The following MTHFD1L variants were observed in gnomAD, a reference collection of about 807,000 sequenced individuals.
The protein encoded by MTHFD1L is monofunctional C1-tetrahydrofolate synthase, mitochondrial.
A neutral mutation model predicts 119.5 loss-of-function variants in MTHFD1L; 81 were observed. The observed-to-expected ratio is 0.68, with a 90% CI of 0.57 to 0.82. The LOEUF (loss-of-function observed/expected upper bound fraction) is 0.82. Ranked by LOEUF, MTHFD1L falls within the 40% of genes least tolerant of loss-of-function variation. The probability of loss-of-function intolerance (pLI) is 0.00; values close to 1 mark genes in which losing one functional copy is unlikely to be tolerated. For missense variants in MTHFD1L, 1,125 were observed against 1,253.4 expected (o/e 0.90, Z 1.55); for synonymous variants, 430 against 475.2 (o/e 0.90, Z 1.24).
At chr6:151,071,188 G>A (rs970736201) in intron 26 of MTHFD1L, among the ~76,000 whole-genome samples, 1 of 151,658 alleles carries the variant, frequency 6.6e-6, no homozygotes, top group Admixed American at 6.6e-5. Flanking sequence ...AAATTACATC[G>A]CAATTGATAC....
At position 150,918,597 on chromosome 6, in the gene MTHFD1L, C is replaced by T. The variant is rs190251947; in HGVS notation, c.913C>T (p.Pro305Ser). The T allele has an allele frequency of 1.4e-4, 219 of 1,613,948 alleles. No homozygotes were observed. The highest frequency in any genetic ancestry group is 1.4e-4 in the Non-Finnish European group (168 of 1,179,908). ...FLSGKVGCGSPRIHFGGLIEE... is the reference protein window; with the variant it reads ...FLSGKVGCGSSRIHFGGLIEE... ...TACAGGGAAGGTTGGGTGTGGCTCTCCAAGAATACATTTTGGTGGACTCAT... is the reference window on the plus strand; with the variant it reads ...TACAGGGAAGGTTGGGTGTGGCTCTTCAAGAATACATTTTGGTGGACTCAT... Residue 305 changes from proline to serine, a missense_variant, in exon 9 of 28, where the codon CCA becomes TCA. Pro to Ser is a moderately conservative substitution (Grantham distance 74). This residue lies in a region of MTHFD1L where 1,058 missense variants were observed against 1,151.2 expected (regional missense o/e 0.92). Coordinates refer to ENST00000367321, the MANE Select transcript of MTHFD1L (RefSeq NM_015440.5).
chr6:150,993,164 A>C (rs1230975570), intron 20 of MTHFD1L, among the ~76,000 whole-genome samples: 22 of 152,106 alleles, frequency 1.4e-4, no homozygotes, highest in Non-Finnish European at 8.8e-5. Flanking sequence ...GATTGTTTTT[A>C]CTTTTCAGGG....
intron 26 of MTHFD1L, among the ~76,000 whole-genome samples, chr6:151,074,412 G>C (rs907486759): frequency 2.6e-5 from 4 of 152,194 alleles, no homozygotes; most frequent in African/African-American, 9.7e-5. Flanking sequence ...TAAAAATGTA[G>C]TATAGCGTTA....
chr6:150,994,064 T>TAA lies in MTHFD1L; in HGVS notation c.2126-15740_2126-15739dup, dbSNP rs746589557. 2.8e-3 allele frequency among the ~76,000 whole-genome samples: 206 copies of TAA among 74,194 alleles called. 4 individuals carry two copies. The highest frequency in any genetic ancestry group is 0.012 in the African/African-American group (156 of 13,104). 48.7% of individuals were successfully genotyped at this position (74,194 alleles called of 152,430 possible). A position where few individuals can be genotyped will look rare whatever the true frequency, so the allele number is the denominator to read the frequency against. The stretch of plus-strand genomic sequence containing the variant: ...TTTTACCCACAAATAACAACAACAG[T>TAA]AAAAAAAAAAAAAAAAGAAAGAAAG... On this transcript the variant is annotated intron_variant, in intron 20 of 27. Transcript: ENST00000367321.
chr6:150,972,233 A>T (rs1583881309), intron 20 of MTHFD1L, among the ~76,000 whole-genome samples, 175 bp downstream of exon 20: 1 of 152,118 alleles, frequency 6.6e-6, no homozygotes. Flanking sequence ...TCGTGAAATT[A>T]TGCTTGTGCT....
At chr6:150,889,069 CG>C (rs1562321972) in intron 7 of MTHFD1L, among the ~76,000 whole-genome samples, 1 of 151,894 alleles carries the variant, frequency 6.6e-6, no homozygotes, top group Non-Finnish European at 1.5e-5. Context: ...CCCAGCTACT[CG>C]GGAAGCTGAG....
intron 21 of MTHFD1L, among the ~76,000 whole-genome samples, 186 bp downstream of exon 21, chr6:151,010,144 T>C (rs933336647): frequency 6.6e-6 from 1 of 152,240 alleles, no homozygotes; most frequent in African/African-American, 2.4e-5. Context: ...TGTTGTTTTT[T>C]GTTTTTTCCC....
intron 24 of MTHFD1L, among the ~76,000 whole-genome samples, chr6:151,019,669 C>T (rs1774437938): frequency 6.6e-6 from 1 of 152,200 alleles, no homozygotes; most frequent in South Asian, 2.1e-4. Context: ...TAATCAGCCT[C>T]CCAGCCTACT....
chr6:150,885,810 G>T, intron 6 of MTHFD1L, 76 bp downstream of exon 6: 1 of 1,199,086 alleles, frequency 8.3e-7, no homozygotes. Flanking sequence ...GATTTGTTTG[G>T]GGAAGAATTA....
intron 27 of MTHFD1L, among the ~76,000 whole-genome samples, chr6:151,096,796 C>A (rs974048607): frequency 5.9e-5 from 9 of 152,180 alleles, no homozygotes; most frequent in Non-Finnish European, 8.8e-5. Context: ...TTCTGTCCTT[C>A]CCTTCCTCAC....
chr6:150,919,492 T>C (rs540292715), intron 9 of MTHFD1L, among the ~76,000 whole-genome samples: 4 of 152,250 alleles, frequency 2.6e-5, no homozygotes, highest in African/African-American at 9.6e-5. Context: ...CCCAAAGTGC[T>C]GGGATTACAG....
intron 24 of MTHFD1L, 70 bp downstream of exon 24, chr6:151,015,763 C>T (rs1782960387): frequency 6.5e-7 from 1 of 1,532,326 alleles, no homozygotes; most frequent in African/African-American, 1.4e-5. Context: ...TCTGTTGTCA[C>T]CACAACCCTA....
chr6:150,962,865 A>G (rs1160112593), intron 18 of MTHFD1L, among the ~76,000 whole-genome samples: 1 of 148,916 alleles, frequency 6.7e-6, no homozygotes, highest in East Asian at 2.0e-4. Flanking sequence ...CAACAGGACA[A>G]CTCTCACTGA....
chr6:150,880,350 CTATGATA>C (rs1448492688), intron 4 of MTHFD1L, among the ~76,000 whole-genome samples: 3 of 152,164 alleles, frequency 2.0e-5, no homozygotes, highest in Non-Finnish European at 4.4e-5. Flanking sequence ...AAGTGACATC[CTATGATA>C]TTTGCCTTTC....
Position 151,018,607 on chromosome 6 carries a change from G to C in MTHFD1L, c.2586+2914G>C, listed in dbSNP as rs543973431. On this transcript the variant is annotated intron_variant, in intron 24 of 27. Transcript: ENST00000367321. ...AGCTGGGAGAAAGAATATCCAGATG[G>C]TTGAGGTCATCACCCTGCTCTGTTC... Among the ~76,000 whole-genome samples, 437 of 152,278 alleles carry C rather than the reference G, an allele frequency of 2.9e-3. 1 individual carries two copies. Among genetic ancestry groups the C allele is most frequent in the Non-Finnish European group, 4.1e-3 (276 of 68,022 alleles).
At chr6:151,018,059 C>CTCCTCAGA (rs1407371714) in intron 24 of MTHFD1L, among the ~76,000 whole-genome samples, 1 of 152,090 alleles carries the variant, frequency 6.6e-6, no homozygotes, top group African/African-American at 2.4e-5. Flanking sequence ...GCTCACTCTC[C>CTCCTCAGA]TCCTCAGATC....
chr6:150,967,475 T>C (rs762977468), intron 19 of MTHFD1L, among the ~76,000 whole-genome samples: 4 of 152,230 alleles, frequency 2.6e-5, no homozygotes, highest in Non-Finnish European at 5.9e-5. Flanking sequence ...TGGAATATCA[T>C]GCACCTGGAA....
intron 16 of MTHFD1L, 31 bp from the exon 17 acceptor site, chr6:150,955,964 T>C: frequency 6.3e-7 from 1 of 1,580,920 alleles, no homozygotes; most frequent in South Asian, 1.1e-5. Flanking sequence ...TCCATATTTG[T>C]CGACTGAATG....
At chr6:151,081,278 G>C (rs1179235616) in intron 26 of MTHFD1L, among the ~76,000 whole-genome samples, 1 of 152,132 alleles carries the variant, frequency 6.6e-6, no homozygotes, top group Non-Finnish European at 1.5e-5. Context: ...CACTGATGAG[G>C]TGACTCCCCC....
Sources: allele counts gnomAD v4.1 joint callset (sites outside exome capture counted in the v4.1 genomes callset), GRCh38; gene constraint gnomAD v4.1.1; regional missense constraint gnomAD v4.1.1; transcripts MANE v1.5; gene names NCBI Gene and HGNC (gene_info 2026-07-23, HGNC 2026-07-21).